The following NDST1 variants were observed in gnomAD, a reference collection of about 807,000 sequenced individuals.
The protein encoded by NDST1 is N-deacetylase and N-sulfotransferase 1, also known as bifunctional heparan sulfate N-deacetylase/N-sulfotransferase 1.
In NDST1, 35 loss-of-function variants were observed where a neutral mutation model predicts 92.8. That is an observed-to-expected ratio of 0.38 (90% CI 0.29 to 0.50). NDST1 has a LOEUF of 0.50. Ranked by LOEUF, NDST1 falls within the 20% of genes least tolerant of loss-of-function variation. NDST1 has a pLI of 0.94. For missense variants in NDST1, 822 were observed against 1,182.7 expected (o/e 0.69, Z 4.47); for synonymous variants, 493 against 500.3 (o/e 0.99, Z 0.19).
At chr5:150,500,327 G>A (rs1186417185) in intron 1 of NDST1, among the ~76,000 whole-genome samples, 1 of 152,212 alleles carries the variant, frequency 6.6e-6, no homozygotes, top group Non-Finnish European at 1.5e-5. Flanking sequence ...GACTGTCTTA[G>A]TGCATGGAGC....
At chr5:150,536,942 T>C (rs1011182921) in intron 6 of NDST1, among the ~76,000 whole-genome samples, 1 of 152,246 alleles carries the variant, frequency 6.6e-6, no homozygotes, top group Non-Finnish European at 1.5e-5. Flanking sequence ...CTTGTAGACC[T>C]GACATTCTAG....
chr5:150,535,517 A>C (rs751549781), intron 5 of NDST1, 183 bp from the exon 6 acceptor site: 24 of 691,732 alleles, frequency 3.5e-5, no homozygotes, highest in Non-Finnish European at 4.1e-5. Context: ...AGTTGCCCAC[A>C]CTGAGATTCT....
At chr5:150,540,393 G>A (rs1755190418) in intron 8 of NDST1, 129 bp downstream of exon 8, 1 of 998,118 alleles carries the variant, frequency 1.0e-6, no homozygotes, top group Non-Finnish European at 1.4e-6. Context: ...TGTAAACTCA[G>A]GTCCCCATCT....
Position 150,521,848 on chromosome 5 carries a change from G to A in NDST1, c.513+81G>A. ...CTGAATTCTCATTTGTGAAATAGGT[G>A]TAATGGTAGCACCCGCCTCCTGGGG... On this transcript the variant is annotated intron_variant, in intron 2 of 14. Coordinates refer to ENST00000261797, the MANE Select transcript of NDST1 (RefSeq NM_001543.5). This position sits in a 1 kb window ranked among gnomAD's most constrained non-coding sequence, Gnocchi z 5.9. 1 of 1,573,178 alleles carries A rather than the reference G, an allele frequency of 6.4e-7. No individual in the cohort carries two copies. Among genetic ancestry groups the A allele is most frequent in the Non-Finnish European group, 8.6e-7 (1 of 1,156,302 alleles).
Position 150,521,258 on chromosome 5 carries a change from C to T in NDST1, c.4C>T (p.Pro2Ser). The change falls in exon 2 of 15, where the codon CCT becomes TCT. Residue 2 changes from proline to serine, a missense_variant. By Grantham distance (74) the Pro-to-Ser change is moderately conservative (BLOSUM62 -1). Transcript: ENST00000261797. This position sits in a 1 kb window ranked among gnomAD's most constrained non-coding sequence, Gnocchi z 5.9. Reference protein sequence around the residue: MPALACLRRLCR... With the variant: MSALACLRRLCR... ...GGCCAAGGTCTCGGAGGCCAGGATG[C>T]CTGCCCTGGCATGCCTCCGGAGGCT... 1.2e-6 allele frequency: 2 copies of T among 1,606,334 alleles called. No homozygotes were observed.
At position 150,512,546 on chromosome 5, in the gene NDST1, A is replaced by G. The variant is rs1753775295; in HGVS notation, c.-388+4320A>G. ...GTTTGCTTGTTCCGCACTCCCAGAAAGATCTCGAACCTCCTTCCTGGATCC... is the reference window on the plus strand; with the variant it reads ...GTTTGCTTGTTCCGCACTCCCAGAAGGATCTCGAACCTCCTTCCTGGATCC... On this transcript the variant is annotated intron_variant, in intron 1 of 14. Transcript: ENST00000261797. 2.0e-5 allele frequency among the ~76,000 whole-genome samples: 3 copies of G among 152,220 alleles called. No homozygotes were observed. The South Asian group carries it at 6.2e-4, about 32-fold the overall frequency.
chr5:150,549,638 G>A (rs1009361163), intron 12 of NDST1, 40 bp from the exon 13 acceptor site: 9 of 1,300,360 alleles, frequency 6.9e-6, no homozygotes, highest in Non-Finnish European at 1.0e-5. Context: ...GTTTGCCACC[G>A]AAGTCAAAGC....
Position 150,528,003 on chromosome 5 carries a change from T to C in NDST1, c.713T>C (p.Val238Ala), listed in dbSNP as rs1171288303. The C allele has an allele frequency of 6.8e-6, 11 of 1,613,726 alleles. No homozygotes were observed. The highest frequency in any genetic ancestry group is 9.3e-6 in the Non-Finnish European group (11 of 1,179,906). Residue 238 changes from valine (V) to alanine (A), a missense_variant, in exon 3 of 15, where the codon GTG (valine) becomes GCG (alanine). Coordinates refer to ENST00000261797, the MANE Select transcript of NDST1 (RefSeq NM_001543.5). ...FQSNHSTYEP[V>A]LLAKTRSSES... ...TCAAATCACTCCACCTATGAGCCAG[T>C]GCTGCTGGCCAAGACGCGCTCGTCT...
intron 14 of NDST1, among the ~76,000 whole-genome samples, chr5:150,552,191 C>T (rs148479561): frequency 4.6e-5 from 7 of 152,150 alleles, no homozygotes; most frequent in African/African-American, 7.2e-5. Context: ...GAGTGCTGCG[C>T]GCAGTCAGAG....
rs1051524480 is a variant in NDST1 at position 150,553,505 on chromosome 5, C to T, written c.*173C>T. 9 of 865,408 alleles carry T rather than the reference C, an allele frequency of 1.0e-5. No individual in the cohort carries two copies. The highest frequency in any genetic ancestry group is 3.3e-5 in the African/African-American group (2 of 60,342). 53.6% of individuals were successfully genotyped at this position (865,408 alleles called of 1,614,324 possible). A position where few individuals can be genotyped will look rare whatever the true frequency, so the allele number is the denominator to read the frequency against. On this transcript the variant is annotated 3_prime_UTR_variant, in exon 15 of 15. Coordinates refer to ENST00000261797, the MANE Select transcript of NDST1 (RefSeq NM_001543.5). This position sits in a 1 kb window ranked among gnomAD's most constrained non-coding sequence, Gnocchi z 4.2. ...CACCCAGGCGGATCTGCAAGCACCT[C>T]GGAGCACCCACCGCTGGGTCTGCGG...
chr5:150,498,620 C>T (rs1753097513), intron 1 of NDST1, among the ~76,000 whole-genome samples: 1 of 152,208 alleles, frequency 6.6e-6, no homozygotes, highest in Non-Finnish European at 1.5e-5. Flanking sequence ...ATGTAACCAG[C>T]CGGGTCTGGC....
rs1276568996 is a variant in NDST1, at chr5:150,528,385, C to T, written c.1008+87C>T. On this transcript the variant is annotated intron_variant, in intron 3 of 14. Transcript: ENST00000261797. Reference sequence around the variant, plus strand: ...GTGCCCCATCGTGGGTGTGCCCTGTCTGCATCTCCCCTATGCTGGGAGTTA... The same window carrying T: ...GTGCCCCATCGTGGGTGTGCCCTGTTTGCATCTCCCCTATGCTGGGAGTTA... 7.7e-6 allele frequency: 11 copies of T among 1,423,918 alleles called. No individual in the cohort carries two copies. In the Admixed American group the frequency reaches 2.1e-4, roughly 27 times the overall value. The allele number at this position is 1,423,918 out of a possible 1,614,324, so 88.2% of individuals were successfully genotyped here.
chr5:150,521,662 C>T lies in NDST1; in HGVS notation c.408C>T (p.Ile136=). The part of the protein sequence containing the change: ...TDKGRGRFAL[I]IYENILKYVN... ...AGGGCCGTGGCCGCTTCGCCCTCAT[C>T]ATCTATGAGAACATCCTCAAGTATG... Residue 136 remains isoleucine (I), a synonymous_variant, in exon 2 of 15, where the codon ATC becomes ATT. Transcript: ENST00000261797. This position sits in a 1 kb window ranked among gnomAD's most constrained non-coding sequence, Gnocchi z 5.9. 1 of 1,614,098 alleles carries T rather than the reference C, an allele frequency of 6.2e-7. No individual in the cohort carries two copies. Among genetic ancestry groups the T allele is most frequent in the Non-Finnish European group, 8.5e-7 (1 of 1,180,040 alleles).
rs138227627 is a variant in NDST1, at chr5:150,499,412, C to A, written c.-388+1173C>A. ...TCACTGGAGGCATCTGAGTTTGCAA[C>A]CCTGTCCTTAAGCTATGAACCACTT... On this transcript the variant is annotated intron_variant, in intron 1 of 1. Transcript: ENST00000518299. Among the ~76,000 whole-genome samples the A allele has an allele frequency of 2.1e-3, 326 of 152,304 alleles. 10 individuals carry two copies. In the East Asian group the frequency reaches 0.056, roughly 26 times the overall value.
chr5:150,526,458 A>G (rs149694810), intron 2 of NDST1, among the ~76,000 whole-genome samples: 1 of 152,316 alleles, frequency 6.6e-6, no homozygotes, highest in East Asian at 1.9e-4. Flanking sequence ...TATGCCAGGT[A>G]CTAGAGAGCT....
chr5:150,551,682 T>C, intron 13 of NDST1, 71 bp from the exon 14 acceptor site: 1 of 1,575,736 alleles, frequency 6.3e-7, no homozygotes, highest in Non-Finnish European at 8.6e-7. Flanking sequence ...CTGGGGTCCA[T>C]GAACATGGCT....
chr5:150,546,938 C>T (rs1195606399), intron 11 of NDST1, among the ~76,000 whole-genome samples: 1 of 152,240 alleles, frequency 6.6e-6, no homozygotes, highest in East Asian at 1.9e-4. Context: ...TGTGCCCCCG[C>T]CTCCTGGCGC....
chr5:150,509,603 C>T (rs1414522734), intron 1 of NDST1, among the ~76,000 whole-genome samples: 1 of 152,206 alleles, frequency 6.6e-6, no homozygotes. Context: ...ATCTCCGCCT[C>T]CCAGGTTCAA....
chr5:150,548,241 A>G lies in NDST1; in HGVS notation c.2169A>G (p.Pro723=). ...AGCACCAGCGAGCCCATGACGACCC[A>G]GTGGCCCTAAAGTACACCTTCCATG... is the stretch of plus-strand genomic sequence containing the variant. ...WYQHQRAHDD[P]VALKYTFHEV... The change falls in exon 12 of 15, where the codon CCA becomes CCG. Residue 723 remains proline, a synonymous_variant. Coordinates refer to ENST00000261797, the MANE Select transcript of NDST1 (RefSeq NM_001543.5). 1 of 1,614,194 alleles carries G rather than the reference A, an allele frequency of 6.2e-7. No homozygotes were observed. Among genetic ancestry groups the G allele is most frequent in the African/African-American group, 1.3e-5 (1 of 75,066 alleles).
Sources: allele counts gnomAD v4.1 joint callset (sites outside exome capture counted in the v4.1 genomes callset), GRCh38; gene constraint gnomAD v4.1.1; non-coding constraint Gnocchi (gnomAD v3.1); transcripts MANE v1.5; gene names NCBI Gene and HGNC (gene_info 2026-07-23, HGNC 2026-07-21).